Variants in LRIG1 observed in about 807,000 individuals in gnomAD.
The protein encoded by LRIG1 is leucine-rich repeats and immunoglobulin-like domains protein 1.
LRIG1 carries 48 observed loss-of-function variants against 99.2 expected under a neutral mutation model. The observed-to-expected ratio is 0.48, with a 90% CI of 0.38 to 0.62. The LOEUF (loss-of-function observed/expected upper bound fraction) is 0.62. LRIG1 is among the 20% of genes least tolerant of loss of function. LRIG1 has a pLI of 0.00. For synonymous variants in LRIG1, 772 were observed against 596.1 expected, an observed-to-expected ratio of 1.29 and a Z score of -4.30; for missense variants, 1,646 against 1,434.4, an observed-to-expected ratio of 1.15 and a Z score of -2.38.
intron 13 of LRIG1, among the ~76,000 whole-genome samples, chr3:66,384,875 A>G (rs1297356994): frequency 1.3e-5 from 2 of 152,186 alleles, no homozygotes; most frequent in Non-Finnish European, 2.9e-5. Flanking sequence ...GTCAGGCACC[A>G]CCAGAGTTCC....
rs886369736 is a variant in LRIG1, at chr3:66,501,016, G to A, written c.-609C>T. The A allele has an allele frequency of 6.6e-6, 1 of 152,576 alleles. No individual in the cohort carries two copies. Among genetic ancestry groups the A allele is most frequent in the Non-Finnish European group, 1.5e-5 (1 of 68,370 alleles). 9.5% of individuals were successfully genotyped at this position (152,576 alleles called of 1,614,324 possible). A position where few individuals can be genotyped will look rare whatever the true frequency, so the allele number is the denominator to read the frequency against. Reference sequence around the variant, plus strand: ...CGACCTCGCAGCCGAACAATCAGCCGCTTGCTGTTCGCCTCCCCGCGGCCC... The same window carrying A: ...CGACCTCGCAGCCGAACAATCAGCCACTTGCTGTTCGCCTCCCCGCGGCCC... On this transcript the variant is annotated 5_prime_UTR_variant, in exon 1 of 19. Coordinates refer to ENST00000273261, the MANE Select transcript of LRIG1 (RefSeq NM_015541.3).
intron 3 of LRIG1, among the ~76,000 whole-genome samples, chr3:66,437,196 A>C (rs1339635918): frequency 6.6e-6 from 1 of 152,250 alleles, no homozygotes; most frequent in Admixed American, 6.5e-5. Context: ...TTCGCTTCAC[A>C]GAAAGCCTTT....
At chr3:66,431,975 CCCCA>C (rs373352351) in intron 3 of LRIG1, among the ~76,000 whole-genome samples, 189 of 152,312 alleles carry the variant, frequency 1.2e-3, no homozygotes, top group African/African-American at 4.1e-3. Context: ...ATAATGGAAT[CCCCA>C]CCCCATTTTG....
At chr3:66,392,077 C>CT (rs1701642072) in intron 12 of LRIG1, among the ~76,000 whole-genome samples, 1 of 152,200 alleles carries the variant, frequency 6.6e-6, no homozygotes, top group African/African-American at 2.4e-5. Context: ...TTGTGGCTGA[C>CT]TTCTTCCACT....
chr3:66,391,314 T>C (rs1195455287), intron 12 of LRIG1, among the ~76,000 whole-genome samples: 1 of 152,176 alleles, frequency 6.6e-6, no homozygotes, highest in East Asian at 1.9e-4. Context: ...ATTCCTAGGT[T>C]TGTACCCAAG....
intron 3 of LRIG1, among the ~76,000 whole-genome samples, chr3:66,421,078 G>T (rs747785429): frequency 6.6e-6 from 1 of 152,084 alleles, no homozygotes; most frequent in Non-Finnish European, 1.5e-5. Context: ...GGAAAAACCT[G>T]CCCCCATAAC....
chr3:66,404,556 G>A (rs555376303), intron 9 of LRIG1: 14 of 468,296 alleles, frequency 3.0e-5, no homozygotes, highest in South Asian at 1.7e-4. Context: ...CTTGCCAGCC[G>A]TGTAGTTTTG....
At position 66,431,099 on chromosome 3, in the gene LRIG1, C is replaced by T. The variant is rs1246356861; in HGVS notation, c.366-13833G>A. ...ATCAAGCTGTGTCATGTGGAGCCAG[C>T]AAGCCCGGCACAACCGTGGATCCCG... On this transcript the variant is annotated intron_variant, in intron 3 of 18. Coordinates refer to ENST00000273261, the MANE Select transcript of LRIG1 (RefSeq NM_015541.3). 5.3e-5 allele frequency among the ~76,000 whole-genome samples: 8 copies of T among 152,274 alleles called. No individual in the cohort carries two copies. In the South Asian group the frequency reaches 1.7e-3, roughly 32 times the overall value.
At chr3:66,385,074 G>C (rs942392763) in intron 13 of LRIG1, among the ~76,000 whole-genome samples, 5 of 152,192 alleles carry the variant, frequency 3.3e-5, no homozygotes, top group African/African-American at 1.2e-4. Flanking sequence ...TTTTTAACTA[G>C]AGAGTTAGTA....
chr3:66,419,282 T>C (rs1702726444), intron 3 of LRIG1, among the ~76,000 whole-genome samples: 1 of 151,898 alleles, frequency 6.6e-6, no homozygotes, highest in Non-Finnish European at 1.5e-5. Context: ...TCCTCAGTCT[T>C]TGTCTGTGGT....
intron 5 of LRIG1, among the ~76,000 whole-genome samples, chr3:66,414,334 T>A (rs982933332): frequency 6.6e-6 from 1 of 151,810 alleles, no homozygotes; most frequent in Non-Finnish European, 1.5e-5. Flanking sequence ...GGGGCGGAGC[T>A]TGCAGTGAGC....
At chr3:66,383,948 T>TCACA (rs3830215) in intron 14 of LRIG1, 43 bp downstream of exon 14, 56,747 of 1,468,406 alleles carry the variant, frequency 0.039, 364 homozygotes, top group African/African-American at 0.11. Context: ...TCTCTCTCGC[T>TCACA]CACACACACA....
chr3:66,429,484 T>C (rs761825118), intron 3 of LRIG1, among the ~76,000 whole-genome samples: 19 of 152,222 alleles, frequency 1.2e-4, no homozygotes, highest in Admixed American at 3.9e-4. Flanking sequence ...AGACTACCAA[T>C]TGTATGATTC....
intron 3 of LRIG1, among the ~76,000 whole-genome samples, chr3:66,436,933 G>T (rs762952992): frequency 6.6e-6 from 1 of 152,134 alleles, no homozygotes; most frequent in Non-Finnish European, 1.5e-5. Context: ...AGCACTAAAG[G>T]CTCTGAAATG....
rs977551225 is a variant in LRIG1 at position 66,438,491 on chromosome 3, A to T, written c.365+13068T>A. On this transcript the variant is annotated intron_variant, in intron 3 of 18. Coordinates refer to ENST00000273261, the MANE Select transcript of LRIG1 (RefSeq NM_015541.3). ...AGGTGAGGGAACAGAAGTCACAAAG[A>T]GAAGTGTTTTGTGAAACGTCCTATA... Among the ~76,000 whole-genome samples the T allele has an allele frequency of 2.0e-5, 3 of 152,180 alleles. 1 individual carries two copies. The South Asian group carries it at 6.2e-4, about 32-fold the overall frequency.
chr3:66,456,202 C>G (rs1221663152), intron 2 of LRIG1, among the ~76,000 whole-genome samples: 1 of 152,166 alleles, frequency 6.6e-6, no homozygotes, highest in Non-Finnish European at 1.5e-5. Context: ...ATACAAGTGC[C>G]AGCTTTGTAG....
rs1163189865 is a variant in LRIG1, at chr3:66,411,302, G to A, written c.792-1030C>T. On this transcript the variant is annotated intron_variant, in intron 6 of 18. Transcript: ENST00000273261. ...TTTGCTTTTTTCCATCTTTCTTTCT[G>A]CTACTGCTCAAAAGGTAAGCACTTA... Among the ~76,000 whole-genome samples, 4 of 152,302 alleles carry A rather than the reference G, an allele frequency of 2.6e-5. No individual in the cohort carries two copies. The East Asian group carries it at 7.7e-4, about 29-fold the overall frequency.
intron 9 of LRIG1, chr3:66,401,679 G>C (rs1262829422): frequency 1.4e-5 from 22 of 1,527,562 alleles, no homozygotes; most frequent in Non-Finnish European, 2.6e-6. Context: ...TCTAATAAAA[G>C]GCTGCTGCCA....
chr3:66,466,860 AAGAGG>A (rs1700483329), intron 1 of LRIG1, among the ~76,000 whole-genome samples: 2 of 152,222 alleles, frequency 1.3e-5, no homozygotes. Context: ...TTCAGTAGCA[AAGAGG>A]AGAGGAAAGA....
Sources: allele counts gnomAD v4.1 joint callset (sites outside exome capture counted in the v4.1 genomes callset), GRCh38; gene constraint gnomAD v4.1.1; transcripts MANE v1.5; gene names NCBI Gene and HGNC (gene_info 2026-07-23, HGNC 2026-07-21).